MSH3: variants seen among roughly 807,000 people sequenced by gnomAD.
The protein encoded by MSH3 is DNA mismatch repair protein Msh3.
A neutral mutation model predicts 123.3 loss-of-function variants in MSH3; 106 were observed. The observed-to-expected ratio is 0.86, with a 90% CI of 0.73 to 1.01. The LOEUF (loss-of-function observed/expected upper bound fraction) is 1.01. Ranked by LOEUF, MSH3 falls within the 50% of genes least tolerant of loss-of-function variation. The pLI, the probability that MSH3 is intolerant of heterozygous loss-of-function variation, is 0.00. For synonymous variants in MSH3, 515 were observed against 481.4 expected, an observed-to-expected ratio of 1.07 and a Z score of -0.91; for missense variants, 1,459 against 1,347.6, an observed-to-expected ratio of 1.08 and a Z score of -1.29.
At chr5:80,660,081 C>T (rs930848084) in intron 2 of MSH3, among the ~76,000 whole-genome samples, 1 of 152,098 alleles carries the variant, frequency 6.6e-6, no homozygotes, top group Non-Finnish European at 1.5e-5. Context: ...TCCATTTTCA[C>T]ACTGCTGATA....
chr5:80,768,759 C>T, intron 14 of MSH3, 76 bp from the exon 15 acceptor site: 1 of 1,287,212 alleles, frequency 7.8e-7, no homozygotes. Flanking sequence ...CCTCTTTTAT[C>T]ACACTATGAA....
chr5:80,672,311 C>T lies in MSH3; in HGVS notation c.860C>T (p.Thr287Ile). ...DHNFMTASIP[T>I]HRLFVHVRRL... ...AACTTTATGACAGCAAGTATACCTA[C>T]TCACAGACTGTTTGTTCATGTACGC... Residue 287 changes from threonine (T) to isoleucine (I), a missense_variant, in exon 5 of 24, where the codon ACT becomes ATT. By Grantham distance (89) the Thr-to-Ile change is moderately conservative. Coordinates refer to ENST00000265081, the MANE Select transcript of MSH3 (RefSeq NM_002439.5). 6.2e-7 allele frequency: 1 copy of T among 1,614,052 alleles called. No homozygotes were observed. Among genetic ancestry groups the T allele is most frequent in the Non-Finnish European group, 8.5e-7 (1 of 1,179,958 alleles).
In MSH3 at chr5:80,788,483, G is replaced by GT. The variant is rs535642718; in HGVS notation, c.2543+812dup. Among the ~76,000 whole-genome samples the GT allele has an allele frequency of 2.5e-4, 38 of 151,930 alleles. 1 individual carries two copies. The South Asian group carries it at 7.5e-3, about 30-fold the overall frequency. On this transcript the variant is annotated intron_variant, in intron 18 of 23. Transcript: ENST00000265081. The stretch of plus-strand genomic sequence containing the variant: ...TTCAGACAAAACTTTCATACAAGTT[G>GT]TATGTCTTCCAAAGCTTGATTTTAT...
chr5:80,672,619 C>A, intron 5 of MSH3, 122 bp from the exon 6 acceptor site: 1 of 861,048 alleles, frequency 1.2e-6, no homozygotes, highest in East Asian at 2.5e-5. Context: ...TTAAACCCTA[C>A]ATCTGAACGT....
Position 80,675,052 on chromosome 5 carries a change from G to T in MSH3, c.1097G>T (p.Ser366Ile), listed in dbSNP as rs1201188083. ...VDEIMTDTST[S>I]YLLCISENKE... ...GAGATAATGACTGATACTTCTACCA[G>T]CTATCTTCTGTGCATCTCTGAAAAT... is the stretch of plus-strand genomic sequence containing the variant. The change falls in exon 7 of 24, where the codon AGC (serine) becomes ATC (isoleucine). Residue 366 changes from serine to isoleucine, a missense_variant. Ser to Ile is a moderately radical substitution (Grantham distance 142). Transcript: ENST00000265081. 2 of 1,613,072 alleles carry T rather than the reference G, an allele frequency of 1.2e-6. No individual in the cohort carries two copies. The highest frequency in any genetic ancestry group is 1.1e-5 in the South Asian group (1 of 91,056).
At chr5:80,836,789 A>G (rs1361537643) in intron 20 of MSH3, among the ~76,000 whole-genome samples, 1 of 146,212 alleles carries the variant, frequency 6.8e-6, no homozygotes, top group Non-Finnish European at 1.5e-5. Flanking sequence ...TTTAACATTT[A>G]TATTATTTTG....
Position 80,672,341 on chromosome 5 carries a change from T to G in MSH3, c.890T>G (p.Leu297Arg). Residue 297 changes from leucine (L) to arginine (R), a missense_variant, in exon 5 of 24, where the codon CTG becomes CGG. Leu to Arg is a moderately radical substitution (Grantham distance 102, BLOSUM62 -2). Coordinates refer to ENST00000265081, the MANE Select transcript of MSH3 (RefSeq NM_002439.5). ...THRLFVHVRRLVAKGYKVGVV... is the reference protein window; with the variant it reads ...THRLFVHVRRRVAKGYKVGVV... The stretch of plus-strand genomic sequence containing the variant: ...AGACTGTTTGTTCATGTACGCCGCC[T>G]GGTGGCAAAAGGATATAAGGTCAGC... 6.2e-7 allele frequency: 1 copy of G among 1,613,636 alleles called. No homozygotes were observed. Among genetic ancestry groups the G allele is most frequent in the Non-Finnish European group, 8.5e-7 (1 of 1,179,528 alleles).
chr5:80,834,271 G>C (rs1745471453), intron 20 of MSH3, among the ~76,000 whole-genome samples: 1 of 151,936 alleles, frequency 6.6e-6, no homozygotes, highest in East Asian at 1.9e-4. Context: ...TAATAGTCCT[G>C]GGTTCTTAAC....
At chr5:80,818,299 G>A (rs1745140519) in intron 20 of MSH3, among the ~76,000 whole-genome samples, 1 of 147,406 alleles carries the variant, frequency 6.8e-6, no homozygotes, top group Admixed American at 7.0e-5. Context: ...AGAGGAACAT[G>A]TTAAACACCA....
intron 20 of MSH3, among the ~76,000 whole-genome samples, chr5:80,848,244 A>C (rs1007822033): frequency 1.4e-4 from 22 of 152,230 alleles, no homozygotes; most frequent in African/African-American, 5.1e-4. Flanking sequence ...AAACAATAAT[A>C]AAATAAAAGC....
chr5:80,687,102 T>A (rs1750108882), intron 8 of MSH3, among the ~76,000 whole-genome samples: 1 of 152,232 alleles, frequency 6.6e-6, no homozygotes. Context: ...GAGATGATAG[T>A]AATCTAAAAT....
At chr5:80,768,510 T>C (rs1262921673) in intron 14 of MSH3, among the ~76,000 whole-genome samples, 5 of 152,192 alleles carry the variant, frequency 3.3e-5, no homozygotes, top group Non-Finnish European at 7.4e-5. Context: ...AAGGTAGTTA[T>C]AACATATTGC....
chr5:80,678,097 A>G (rs537316023), intron 7 of MSH3, among the ~76,000 whole-genome samples: 1 of 152,302 alleles, frequency 6.6e-6, no homozygotes, highest in African/African-American at 2.4e-5. Flanking sequence ...TAGTATATGA[A>G]CATAGGGATT....
At chr5:80,849,379 G>C (rs1262273924) in intron 20 of MSH3, among the ~76,000 whole-genome samples, 1 of 152,206 alleles carries the variant, frequency 6.6e-6, no homozygotes, top group African/African-American at 2.4e-5. Flanking sequence ...TGGTGCCCCA[G>C]TAGGGACTCT....
chr5:80,812,788 G>A (rs920689901), intron 19 of MSH3, among the ~76,000 whole-genome samples: 6 of 151,912 alleles, frequency 3.9e-5, no homozygotes, highest in African/African-American at 1.5e-4. Context: ...TGAACTCCTG[G>A]CCTCAAGCGA....
intron 8 of MSH3, among the ~76,000 whole-genome samples, chr5:80,693,597 AAACAT>A (rs1750392889): frequency 9.3e-6 from 1 of 107,066 alleles, no homozygotes; most frequent in African/African-American, 3.7e-5. Context: ...AAATATATAT[AAACAT>A]ACATATATAC....
chr5:80,680,440 T>A (rs550549819), intron 8 of MSH3, among the ~76,000 whole-genome samples: 3 of 152,048 alleles, frequency 2.0e-5, no homozygotes, highest in Admixed American at 2.0e-4. Context: ...AAAGGATAAA[T>A]TCATAAGTTG....
intron 8 of MSH3, among the ~76,000 whole-genome samples, chr5:80,698,202 CA>C (rs1750528373): frequency 6.6e-6 from 1 of 152,156 alleles, no homozygotes. Flanking sequence ...TGCGCCTGGC[CA>C]AAATCTGCAT....
intron 13 of MSH3, among the ~76,000 whole-genome samples, chr5:80,765,942 G>A (rs1052461362): frequency 1.3e-5 from 2 of 151,856 alleles, no homozygotes; most frequent in Non-Finnish European, 2.9e-5. Context: ...AGTTTGGATT[G>A]GTATAAAATT....
Sources: gnomAD v4.1 joint callset for allele counts (sites outside exome capture counted in the v4.1 genomes callset) on GRCh38, gnomAD v4.1.1 for gene constraint, MANE v1.5 for transcripts, NCBI Gene and HGNC (gene_info 2026-07-23, HGNC 2026-07-21) for gene names.